Variants in POU2F1 observed in about 807,000 individuals in gnomAD.
POU2F1 encodes POU class 2 homeobox 1.
In POU2F1, 16 loss-of-function variants were observed where a neutral mutation model predicts 84.9. That is an observed-to-expected ratio of 0.19 (90% CI 0.13 to 0.29). POU2F1 has a LOEUF of 0.29. Ranked by LOEUF, POU2F1 falls within the 10% of genes least tolerant of loss-of-function variation. POU2F1 has a pLI of 1.00. For synonymous variants in POU2F1, 368 were observed against 368.3 expected (o/e 1.00, Z 0.01); for missense variants, 738 against 942.6 (o/e 0.78, Z 2.84).
In POU2F1 at chr1:167,421,592, G is replaced by T. The variant is rs1299958168; in HGVS notation, c.*5782G>T. On this transcript the variant is annotated 3_prime_UTR_variant, in exon 16 of 16. Transcript: ENST00000367866. ...TTGGCCTTAGCTAAAAGCAGTAAAT[G>T]TGAGTGAATTTTATGTTGATTATGT... The T allele has an allele frequency of 6.6e-6, 1 of 152,196 alleles. No homozygotes were observed. Among genetic ancestry groups the T allele is most frequent in the Non-Finnish European group, 1.5e-5 (1 of 68,036 alleles). The allele number at this position is 152,196 out of a possible 1,614,324, so 9.4% of individuals were successfully genotyped here. A position where few individuals can be genotyped will look rare whatever the true frequency, so the allele number is the denominator to read the frequency against.
intron 1 of POU2F1, among the ~76,000 whole-genome samples, chr1:167,275,272 C>A (rs911692039): frequency 2.0e-5 from 3 of 152,092 alleles, no homozygotes; most frequent in Admixed American, 2.0e-4. Context: ...GTGATCCCCC[C>A]ACCTTGCCCT....
At chr1:167,411,578 A>T (rs1649972131) in intron 13 of POU2F1, among the ~76,000 whole-genome samples, 1 of 152,138 alleles carries the variant, frequency 6.6e-6, no homozygotes, top group Non-Finnish European at 1.5e-5. Context: ...TTTTCTGAGG[A>T]GACCCCTAAG....
intron 1 of POU2F1, among the ~76,000 whole-genome samples, chr1:167,240,816 C>T (rs1649844235): frequency 6.6e-6 from 1 of 152,098 alleles, no homozygotes; most frequent in Non-Finnish European, 1.5e-5. Context: ...CTTCTGAAAC[C>T]TTTGCTTTGG....
At chr1:167,357,846 C>T (rs1659069642) in intron 2 of POU2F1, among the ~76,000 whole-genome samples, 1 of 124,198 alleles carries the variant, frequency 8.1e-6, no homozygotes. Flanking sequence ...ACTCTGTCTT[C>T]AGGCTGGAGT....
intron 1 of POU2F1, among the ~76,000 whole-genome samples, chr1:167,281,876 C>G (rs1185843167): frequency 6.6e-6 from 1 of 152,174 alleles, no homozygotes; most frequent in African/African-American, 2.4e-5. Flanking sequence ...CATATCCAAA[C>G]TCATTCTTCT....
chr1:167,285,340 C>T (rs1557868729), intron 1 of POU2F1, among the ~76,000 whole-genome samples: 1 of 152,206 alleles, frequency 6.6e-6, no homozygotes, highest in African/African-American at 2.4e-5. Context: ...TGCGGTGGCT[C>T]ACGCCTGTAA....
chr1:167,332,643 T>C, intron 2 of POU2F1, 108 bp downstream of exon 2: 6 of 789,604 alleles, frequency 7.6e-6, no homozygotes, highest in Non-Finnish European at 1.0e-5. Context: ...AATTTGAGTA[T>C]TGAGTTGTCA....
intron 1 of POU2F1, among the ~76,000 whole-genome samples, chr1:167,290,055 C>T (rs756519394): frequency 2.3e-4 from 35 of 152,194 alleles, no homozygotes; most frequent in South Asian, 2.1e-4. Context: ...TCCACAAATA[C>T]GTAATTATTT....
At chr1:167,322,372 C>T (rs183978798) in intron 1 of POU2F1, among the ~76,000 whole-genome samples, 7 of 152,318 alleles carry the variant, frequency 4.6e-5, no homozygotes, top group African/African-American at 1.4e-4. Context: ...GACTTCTGTA[C>T]GTACTTGCAC....
At chr1:167,240,199 C>G (rs1210477207) in intron 1 of POU2F1, among the ~76,000 whole-genome samples, 2 of 152,102 alleles carry the variant, frequency 1.3e-5, no homozygotes, top group African/African-American at 4.8e-5. Context: ...TAGTACATAA[C>G]AAATACCCCA....
chr1:167,341,808 A>G (rs1002705444), intron 2 of POU2F1, among the ~76,000 whole-genome samples: 26 of 152,316 alleles, frequency 1.7e-4, no homozygotes, highest in East Asian at 1.2e-3. Context: ...CAGGTCACAC[A>G]TGGACTTGAA....
At position 167,376,043 on chromosome 1, in the gene POU2F1, G is replaced by A. The variant is rs1246465843; in HGVS notation, c.606G>A (p.Leu202=). The change falls in exon 7 of 16, where the codon CTG becomes CTA. Residue 202 remains leucine (L), a synonymous_variant. Coordinates refer to ENST00000367866, the MANE Select transcript of POU2F1 (RefSeq NM_002697.4). The stretch of plus-strand genomic sequence containing the variant: ...CAATTTTTCAGGATCTTCAACAACT[G>A]CAACAGCTTCAACAGCAGAATCTCA... ...PIQIAQDLQQ[L]QQLQQQNLNL... 4 of 1,614,010 alleles carry A rather than the reference G, an allele frequency of 2.5e-6. No individual in the cohort carries two copies. Among genetic ancestry groups the A allele is most frequent in the Admixed American group, 3.3e-5 (2 of 59,992 alleles).
chr1:167,263,280 G>C lies in POU2F1; in HGVS notation c.61+42322G>C, dbSNP rs368823084. ...CATGCCTGTAATCCCAGCACTTTGGGAGGCCGAGGCGAGTGGATCACCTGA... is the reference window on the plus strand; with the variant it reads ...CATGCCTGTAATCCCAGCACTTTGGCAGGCCGAGGCGAGTGGATCACCTGA... On this transcript the variant is annotated intron_variant, in intron 1 of 15. Transcript: ENST00000367866. Among the ~76,000 whole-genome samples, 28 of 152,320 alleles carry C rather than the reference G, an allele frequency of 1.8e-4. No individual in the cohort carries two copies. In the East Asian group the frequency reaches 3.1e-3, roughly 17 times the overall value.
At chr1:167,229,233 T>G (rs1648875168) in intron 1 of POU2F1, among the ~76,000 whole-genome samples, 1 of 151,984 alleles carries the variant, frequency 6.6e-6, no homozygotes, top group Non-Finnish European at 1.5e-5. Context: ...AGCAGCTAAT[T>G]AGATGCAAAG....
intron 1 of POU2F1, chr1:167,257,778 T>G (rs1445483258): frequency 6.6e-6 from 1 of 151,328 alleles, no homozygotes; most frequent in Non-Finnish European, 1.5e-5. Context: ...AAGCAGGTTT[T>G]TTTTTTTTTT....
At chr1:167,281,638 A>G (rs562091399) in intron 1 of POU2F1, among the ~76,000 whole-genome samples, 1 of 152,202 alleles carries the variant, frequency 6.6e-6, no homozygotes, top group African/African-American at 2.4e-5. Context: ...AGTTGACTAC[A>G]TTTGATTGGC....
At chr1:167,357,182 C>T (rs1041319401) in intron 2 of POU2F1, among the ~76,000 whole-genome samples, 2 of 152,270 alleles carry the variant, frequency 1.3e-5, no homozygotes, top group Non-Finnish European at 2.9e-5. Flanking sequence ...CTGCCCTGCT[C>T]ATGCCTGTCT....
intron 1 of POU2F1, among the ~76,000 whole-genome samples, chr1:167,232,569 G>C (rs149134189): frequency 6.6e-6 from 1 of 152,174 alleles, no homozygotes. Context: ...TAGGCCCAGC[G>C]TGATGGCTCA....
chr1:167,225,416 C>T (rs1275777161), intron 1 of POU2F1, among the ~76,000 whole-genome samples: 1 of 152,204 alleles, frequency 6.6e-6, no homozygotes, highest in African/African-American at 2.4e-5. Context: ...TTTAAATTTA[C>T]TATTCTCTAC....
Sources: allele counts gnomAD v4.1 joint callset (sites outside exome capture counted in the v4.1 genomes callset), GRCh38; gene constraint gnomAD v4.1.1; transcripts MANE v1.5; gene names NCBI Gene and HGNC (gene_info 2026-07-23, HGNC 2026-07-21).